The following SRSF11 variants were observed in gnomAD, a reference collection of about 807,000 sequenced individuals.
The protein encoded by SRSF11 is serine and arginine rich splicing factor 11, also known as serine/arginine-rich splicing factor 11.
A neutral mutation model predicts 56.0 loss-of-function variants in SRSF11; 9 were observed. The ratio of observed to expected loss-of-function variants is 0.16; its 90% CI spans 0.10 to 0.28. The LOEUF (loss-of-function observed/expected upper bound fraction) is 0.28, where lower values mean the gene tolerates loss of function less well. SRSF11 is among the 10% of genes least tolerant of loss of function. The pLI is 1.00. For missense variants in SRSF11, 421 were observed against 600.7 expected (o/e 0.70, Z 3.13); for synonymous variants, 222 against 215.3 (o/e 1.03, Z -0.27).
upstream of SRSF11, chr1:70,218,633 G>C (rs1272423488): frequency 6.6e-6 from 1 of 152,154 alleles, no homozygotes; most frequent in Non-Finnish European, 1.5e-5. Flanking sequence ...AAAGAAAAAG[G>C]CATGAACCCT....
chr1:70,206,686 G>A (rs1427467460), intron 1 of SRSF11, among the ~76,000 whole-genome samples: 1 of 152,160 alleles, frequency 6.6e-6, no homozygotes, highest in African/African-American at 2.4e-5. Flanking sequence ...TGGTAGAATA[G>A]TTGAAAGCTA....
intron 1 of SRSF11, among the ~76,000 whole-genome samples, chr1:70,205,959 G>T (rs1331394808): frequency 3.3e-5 from 5 of 152,172 alleles, no homozygotes; most frequent in Admixed American, 3.3e-4. Context: ...ATCTGGGCGC[G>T]GTCGGCAGCG....
At chr1:70,240,983 G>A (rs949445218) in intron 7 of SRSF11, among the ~76,000 whole-genome samples, 1 of 151,512 alleles carries the variant, frequency 6.6e-6, no homozygotes, top group African/African-American at 2.4e-5. Flanking sequence ...TGTTGGTCAG[G>A]CTCATCTCAA....
intron 3 of SRSF11, 95 bp downstream of exon 3, chr1:70,232,472 CT>C: frequency 1.1e-6 from 1 of 896,914 alleles, no homozygotes; most frequent in Non-Finnish European, 1.7e-6. Flanking sequence ...TCATAAGATT[CT>C]AGTTCAGATA....
At chr1:70,224,599 T>C (rs1467602198) in intron 1 of SRSF11, among the ~76,000 whole-genome samples, 1 of 152,188 alleles carries the variant, frequency 6.6e-6, no homozygotes, top group Non-Finnish European at 1.5e-5. Flanking sequence ...ATTTCTGGGA[T>C]TATGACAGAC....
chr1:70,232,541 T>C (rs777433044), intron 3 of SRSF11, among the ~76,000 whole-genome samples, 164 bp downstream of exon 3: 18 of 152,368 alleles, frequency 1.2e-4, no homozygotes, highest in Middle Eastern at 3.4e-3. Flanking sequence ...CTTAGACTTT[T>C]GTATTTTAAG....
chr1:70,212,371 C>G (rs1436092012), intron 1 of SRSF11, among the ~76,000 whole-genome samples: 1 of 152,136 alleles, frequency 6.6e-6, no homozygotes, highest in Non-Finnish European at 1.5e-5. Context: ...ATTCTCCTCC[C>G]TCAGCCTCCC....
At chr1:70,235,184 G>A (rs1673682425) in intron 4 of SRSF11, among the ~76,000 whole-genome samples, 1 of 151,994 alleles carries the variant, frequency 6.6e-6, no homozygotes, top group African/African-American at 2.4e-5. Flanking sequence ...GGTGTTTTGA[G>A]TTTTACATGT....
rs1446254252 is a variant in SRSF11, at chr1:70,246,857, A to G, written c.972A>G (p.Lys324=). 13 of 1,611,718 alleles carry G rather than the reference A, an allele frequency of 8.1e-6. No homozygotes were observed. The highest frequency in any genetic ancestry group is 4.2e-6 in the Non-Finnish European group (5 of 1,178,980). The change falls in exon 9 of 12, where the codon AAA becomes AAG. Residue 324 remains lysine (K), a synonymous_variant. Transcript: ENST00000370949. The part of the protein sequence containing the change: ...KKEDKEKKRS[K]TPPKSYSTAR... The stretch of plus-strand genomic sequence containing the variant: ...AAGACAAAGAAAAGAAACGTTCTAA[A>G]ACACCACCAAAAAGTTACAGCACAG...
intron 5 of SRSF11, among the ~76,000 whole-genome samples, chr1:70,236,183 A>G (rs1673964921): frequency 6.6e-6 from 1 of 152,194 alleles, no homozygotes; most frequent in East Asian, 1.9e-4. Flanking sequence ...AAAACCAAGC[A>G]TGTACCCATC....
intron 2 of SRSF11, chr1:70,229,624 T>C (rs1209099548): frequency 7.1e-6 from 7 of 983,832 alleles, no homozygotes; most frequent in Non-Finnish European, 8.4e-6. Flanking sequence ...TTTAAATGCT[T>C]TCCCCTTTCC....
Position 70,250,754 on chromosome 1 carries a change from C to G in SRSF11, c.1404C>G (p.Ser468=). 3 of 1,613,806 alleles carry G rather than the reference C, an allele frequency of 1.9e-6. No individual in the cohort carries two copies. Among genetic ancestry groups the G allele is most frequent in the Admixed American group, 1.7e-5 (1 of 59,986 alleles). ...EKGTGDSLRE[S]KVNGDDHHEE... ...GAACTGGTGATTCACTAAGAGAATC[C>G]AAAGTGAATGGGGATGATCATCATG... The change falls in exon 12 of 12, where the codon TCC becomes TCG. Residue 468 remains serine (S), a synonymous_variant. Transcript: ENST00000370949.
chr1:70,236,023 G>A (rs780483309), intron 5 of SRSF11, among the ~76,000 whole-genome samples: 6 of 152,052 alleles, frequency 3.9e-5, no homozygotes, highest in Non-Finnish European at 8.8e-5. Flanking sequence ...TTTTTTCACT[G>A]GTTATTTGTT....
intron 1 of SRSF11, among the ~76,000 whole-genome samples, chr1:70,227,113 C>T (rs1671953196): frequency 6.6e-6 from 1 of 152,086 alleles, no homozygotes; most frequent in African/African-American, 2.4e-5. Context: ...TATATAGCAT[C>T]ATGTTAGTGT....
Position 70,234,784 on chromosome 1 carries a change from C to T in SRSF11, c.536C>T (p.Ser179Phe). 6.2e-7 allele frequency: 1 copy of T among 1,606,650 alleles called. No homozygotes were observed. ...ALGLPGANLN[S>F]QSLAADQLLK... ...GGGCTTCCTGGAGCAAACTTGAACT[C>T]TCAGGTATACCTTAGTAACTTCAAA... The change falls in exon 4 of 12, where the codon TCT becomes TTT. Residue 179 changes from serine to phenylalanine, a missense_variant. By Grantham distance (155) the Ser-to-Phe change is radical (BLOSUM62 -2). This residue lies in a region of SRSF11 where 168 missense variants were observed against 294.9 expected (regional missense o/e 0.57). Transcript: ENST00000370949.
intron 2 of SRSF11, chr1:70,229,283 G>A (rs1435389460): frequency 2.3e-6 from 3 of 1,288,450 alleles, no homozygotes; most frequent in Non-Finnish European, 3.0e-6. Context: ...GGGGATTCTA[G>A]ACATTAACTA....
chr1:70,219,644 AC>A (rs1670331898), upstream of SRSF11, among the ~76,000 whole-genome samples: 1 of 152,216 alleles, frequency 6.6e-6, no homozygotes, highest in Non-Finnish European at 1.5e-5. Context: ...GGGTCCTGGA[AC>A]CAATCCCCCA....
At position 70,237,532 on chromosome 1, in the gene SRSF11, T is replaced by A. The variant is rs1193304099; in HGVS notation, c.698T>A (p.Ile233Asn). 1 of 1,613,456 alleles carries A rather than the reference T, an allele frequency of 6.2e-7. No individual in the cohort carries two copies. Among genetic ancestry groups the A allele is most frequent in the Non-Finnish European group, 8.5e-7 (1 of 1,179,884 alleles). Residue 233 changes from isoleucine to asparagine, a missense_variant, in exon 6 of 12, where the codon ATT becomes AAT. This residue lies in a region of SRSF11 where 168 missense variants were observed against 294.9 expected (regional missense o/e 0.57). Transcript: ENST00000370949. ...AGAGTACGAGAAGCACAGTCCCTAA[T>A]TTCTGCTGCTATAGAACCAGGTAAA... ...MKRVREAQSL[I>N]SAAIEPDKKE...
chr1:70,215,279 A>G (rs1377346887), intron 1 of SRSF11, among the ~76,000 whole-genome samples: 2 of 151,944 alleles, frequency 1.3e-5, no homozygotes, highest in African/African-American at 4.8e-5. Flanking sequence ...GCTAAAGGGG[A>G]AAAAAAATAT....
Sources: gnomAD v4.1 joint callset for allele counts (sites outside exome capture counted in the v4.1 genomes callset) on GRCh38, gnomAD v4.1.1 for gene constraint, gnomAD v4.1.1 regional missense constraint, MANE v1.5 for transcripts, NCBI Gene and HGNC (gene_info 2026-07-23, HGNC 2026-07-21) for gene names.